CEP57L1: variants seen among roughly 807,000 people sequenced by gnomAD.
The protein encoded by CEP57L1 is centrosomal protein 57 like 1, also known as centrosomal protein CEP57L1.
In CEP57L1, 37 loss-of-function variants were observed where a neutral mutation model predicts 61.0. The ratio of observed to expected loss-of-function variants is 0.61; its 90% CI spans 0.47 to 0.80. The LOEUF (loss-of-function observed/expected upper bound fraction) is 0.80. CEP57L1 is among the 30% of genes least tolerant of loss of function. The pLI, the probability that CEP57L1 is intolerant of heterozygous loss-of-function variation, is 0.00. For missense variants in CEP57L1, 422 were observed against 524.7 expected (o/e 0.80, Z 1.91); for synonymous variants, 137 against 162.3 (o/e 0.84, Z 1.19).
intron 1 of CEP57L1, among the ~76,000 whole-genome samples, chr6:109,101,996 T>C (rs1309262322): frequency 6.6e-6 from 1 of 152,204 alleles, no homozygotes; most frequent in Non-Finnish European, 1.5e-5. Context: ...CGCCCCACCT[T>C]TGCCAGGATT....
At chr6:109,111,288 A>G (rs1342459483) in intron 1 of CEP57L1, among the ~76,000 whole-genome samples, 4 of 152,080 alleles carry the variant, frequency 2.6e-5, no homozygotes, top group Non-Finnish European at 5.9e-5. Flanking sequence ...TTTTGTAGCA[A>G]TTGTGAATGG....
At chr6:109,104,794 C>T (rs1397625331) in intron 1 of CEP57L1, among the ~76,000 whole-genome samples, 2 of 152,026 alleles carry the variant, frequency 1.3e-5, no homozygotes, top group African/African-American at 4.8e-5. Flanking sequence ...ACAGTATTGC[C>T]CAGGCTGATC....
At chr6:109,159,699 A>C (rs1239516239) in intron 9 of CEP57L1, among the ~76,000 whole-genome samples, 1 of 152,138 alleles carries the variant, frequency 6.6e-6, no homozygotes, top group Non-Finnish European at 1.5e-5. Context: ...TAAAGGCGTT[A>C]CTTAGCCATT....
In CEP57L1 at chr6:109,143,689, G is replaced by A. The variant is rs377289170; in HGVS notation, c.-3-1530G>A. Reference sequence around the variant, plus strand: ...TCAAATTTGGACCAGTTTTTTAACTGGTACAAAATCCGGTTTGTGAAATAA... The same window carrying A: ...TCAAATTTGGACCAGTTTTTTAACTAGTACAAAATCCGGTTTGTGAAATAA... On this transcript the variant is annotated intron_variant, in intron 1 of 10. Transcript: ENST00000517392. 6.6e-5 allele frequency among the ~76,000 whole-genome samples: 10 copies of A among 152,118 alleles called. No individual in the cohort carries two copies. The South Asian group carries it at 2.1e-3, about 32-fold the overall frequency.
chr6:109,127,449 G>A (rs1773685448), intron 1 of CEP57L1, among the ~76,000 whole-genome samples: 1 of 152,020 alleles, frequency 6.6e-6, no homozygotes, highest in South Asian at 2.1e-4. Context: ...GGGAGGCATA[G>A]TGTATTAGAA....
At chr6:109,120,147 C>G (rs138710950) in intron 1 of CEP57L1, among the ~76,000 whole-genome samples, 2 of 152,062 alleles carry the variant, frequency 1.3e-5, no homozygotes, top group Admixed American at 1.3e-4. Flanking sequence ...ATAGGAGGAA[C>G]GTTTAAGAAA....
In CEP57L1 at chr6:109,106,264, G is replaced by T. The variant is rs561380085; in HGVS notation, c.-4+10689G>T. Among the ~76,000 whole-genome samples the T allele has an allele frequency of 2.6e-5, 4 of 152,128 alleles. No homozygotes were observed. The East Asian group carries it at 7.7e-4, about 29-fold the overall frequency. On this transcript the variant is annotated intron_variant, in intron 1 of 10. Transcript: ENST00000517392. ...CTGTCCCTGGTACCAAAAAGATTGG[G>T]GACCACTGATCTAGATTATCTTGGG...
At chr6:109,125,065 A>C (rs932267699) in intron 1 of CEP57L1, 1 of 152,222 alleles carries the variant, frequency 6.6e-6, no homozygotes, top group African/African-American at 2.4e-5. Context: ...GTAGCAAGAG[A>C]TGAAAAGACA....
intron 1 of CEP57L1, among the ~76,000 whole-genome samples, chr6:109,136,411 G>C (rs1365778385): frequency 1.3e-5 from 2 of 152,212 alleles, no homozygotes; most frequent in African/African-American, 4.8e-5. Context: ...ACCGGGGCCT[G>C]TTGTAGGGTG....
chr6:109,113,916 G>A (rs912163980), intron 1 of CEP57L1, among the ~76,000 whole-genome samples: 1 of 152,134 alleles, frequency 6.6e-6, no homozygotes, highest in Non-Finnish European at 1.5e-5. Flanking sequence ...CTAGAATAAA[G>A]CTTTGTTTGC....
At chr6:109,148,105 T>C (rs1426763590) in intron 3 of CEP57L1, among the ~76,000 whole-genome samples, 1 of 152,062 alleles carries the variant, frequency 6.6e-6, no homozygotes, top group Non-Finnish European at 1.5e-5. Context: ...TTATTTTGTC[T>C]TTTTATTTTA....
chr6:109,118,102 C>A (rs896600198), intron 1 of CEP57L1, among the ~76,000 whole-genome samples: 1 of 152,226 alleles, frequency 6.6e-6, no homozygotes, highest in Non-Finnish European at 1.5e-5. Context: ...GTGGCACGGT[C>A]TCGGCTCACT....
At position 109,153,966 on chromosome 6, in the gene CEP57L1, G is replaced by A; in HGVS notation, c.579+17G>A. 1 of 1,287,214 alleles carries A rather than the reference G, an allele frequency of 7.8e-7. No individual in the cohort carries two copies. Among genetic ancestry groups the A allele is most frequent in the Non-Finnish European group, 1.1e-6 (1 of 891,876 alleles). 79.7% of individuals were successfully genotyped at this position (1,287,214 alleles called of 1,614,324 possible). Reference sequence around the variant, plus strand: ...ACTGCTGAGGTAAGCTTTCTTTGAAGTGATGACAACAGGAATGAATCTTTA... The same window carrying A: ...ACTGCTGAGGTAAGCTTTCTTTGAAATGATGACAACAGGAATGAATCTTTA... On this transcript the variant is annotated intron_variant, in intron 5 of 10. Coordinates refer to ENST00000517392, the MANE Select transcript of CEP57L1 (RefSeq NM_001271852.3).
In CEP57L1 at chr6:109,162,111, C is replaced by G. The variant is rs114212893; in HGVS notation, c.1162-638C>G. 9.1e-3 allele frequency among the ~76,000 whole-genome samples: 1,390 copies of G among 152,014 alleles called. 24 individuals are homozygous for G. Among genetic ancestry groups the G allele is most frequent in the African/African-American group, 0.032 (1,328 of 41,486 alleles). On this transcript the variant is annotated intron_variant, in intron 10 of 10. Coordinates refer to ENST00000517392, the MANE Select transcript of CEP57L1 (RefSeq NM_001271852.3). ...TTTTTTAAACAGCCATTCAATAGTA[C>G]TTTAAATTCAGGAATACACAAAAGT...
chr6:109,142,264 T>C (rs898912377), intron 1 of CEP57L1, among the ~76,000 whole-genome samples: 11 of 152,180 alleles, frequency 7.2e-5, no homozygotes, highest in African/African-American at 2.4e-4. Flanking sequence ...ATATATTCCA[T>C]GGAATACTAT....
chr6:109,154,071 T>A, intron 5 of CEP57L1, 122 bp downstream of exon 5: 1 of 633,870 alleles, frequency 1.6e-6, no homozygotes, highest in East Asian at 2.8e-5. Context: ...CTTTTTATAA[T>A]CCAGATATGA....
In CEP57L1 at chr6:109,167,329, A is replaced by T. The variant is rs1190856458; in HGVS notation, c.*4359A>T. Among the ~76,000 whole-genome samples, 1 of 150,348 alleles carries T rather than the reference A, an allele frequency of 6.7e-6. No homozygotes were observed. The highest frequency in any genetic ancestry group is 1.5e-5 in the Non-Finnish European group (1 of 67,484). On this transcript the variant is annotated 3_prime_UTR_variant, in exon 11 of 11. Coordinates refer to ENST00000517392, the MANE Select transcript of CEP57L1 (RefSeq NM_001271852.3). ...ATTGTTTACTTAAAGAATTAGGTGAATTTTTTTTTTCCTGGTAGGTTTATT... is the reference window on the plus strand; with the variant it reads ...ATTGTTTACTTAAAGAATTAGGTGATTTTTTTTTTTCCTGGTAGGTTTATT...
chr6:109,138,252 A>T (rs1770957160), intron 1 of CEP57L1, among the ~76,000 whole-genome samples: 1 of 152,194 alleles, frequency 6.6e-6, no homozygotes, highest in African/African-American at 2.4e-5. Flanking sequence ...ATGTGACATT[A>T]TGTTAAAAGG....
intron 10 of CEP57L1, among the ~76,000 whole-genome samples, chr6:109,162,185 T>C (rs938951444): frequency 6.6e-6 from 1 of 152,062 alleles, no homozygotes; most frequent in Non-Finnish European, 1.5e-5. Context: ...TGAATGGCAG[T>C]TGGAAAAAAA....
Sources: allele counts gnomAD v4.1 joint callset (sites outside exome capture counted in the v4.1 genomes callset), GRCh38; gene constraint gnomAD v4.1.1; transcripts MANE v1.5; gene names NCBI Gene and HGNC (gene_info 2026-07-23, HGNC 2026-07-21).